Variants in EPHA10 observed in about 807,000 individuals in gnomAD.
The protein encoded by EPHA10 is EPH receptor A10.
EPHA10 carries 120 observed loss-of-function variants against 109.7 expected under a neutral mutation model. The ratio of observed to expected loss-of-function variants is 1.09; its 90% CI spans 0.94 to 1.27. The LOEUF (loss-of-function observed/expected upper bound fraction) is 1.27, where lower values mean the gene tolerates loss of function less well. Among genes scored for constraint, EPHA10 ranks in the 50% most tolerant of loss-of-function variants. EPHA10 has a pLI of 0.00. For synonymous variants in EPHA10, 640 were observed against 618.9 expected (o/e 1.03, Z -0.51); for missense variants, 1,396 against 1,411.1 (o/e 0.99, Z 0.17).
In EPHA10 at chr1:37,718,467, T is replaced by A. The variant is rs1394667533; in HGVS notation, c.2932A>T (p.Ile978Phe). The A allele has an allele frequency of 1.9e-6, 3 of 1,613,288 alleles. No individual in the cohort carries two copies. Among genetic ancestry groups the A allele is most frequent in the Middle Eastern group, 1.6e-4 (1 of 6,084 alleles). ...MTAQDLVSLGISLAEHREALL... is the reference protein window; with the variant it reads ...MTAQDLVSLGFSLAEHREALL... ...GCCTCTCGATGTTCAGCCAAAGAGA[T>A]GCCTAGGCTCACCAGGTCCCTGAAA... is the stretch of plus-strand genomic sequence containing the variant. Residue 978 changes from isoleucine (I) to phenylalanine (F), a missense_variant, in exon 17 of 17, where the codon ATC becomes TTC. Physicochemically the swap from Ile to Phe is conservative, Grantham distance 21. Transcript: ENST00000373048.
chr1:37,714,799 C>G (rs571906137), downstream of EPHA10: 1 of 152,380 alleles, frequency 6.6e-6, no homozygotes, highest in African/African-American at 2.4e-5. Flanking sequence ...AGGCCCAGAG[C>G]AGAAGCTCCC....
At chr1:37,741,686 G>T (rs751723984) in intron 5 of EPHA10, among the ~76,000 whole-genome samples, 1 of 151,780 alleles carries the variant, frequency 6.6e-6, no homozygotes, top group Non-Finnish European at 1.5e-5. Context: ...ACTGCCCACA[G>T]AGTGGCATTG....
At chr1:37,751,958 T>C (rs1646334869) in intron 5 of EPHA10, among the ~76,000 whole-genome samples, 2 of 152,056 alleles carry the variant, frequency 1.3e-5, no homozygotes, top group African/African-American at 2.4e-5. Flanking sequence ...ACATGTCATA[T>C]GTCCAAGTTA....
At chr1:37,720,722 T>C in intron 12 of EPHA10, 61 bp downstream of exon 12, 14 of 1,595,650 alleles carry the variant, frequency 8.8e-6, no homozygotes, top group Non-Finnish European at 1.1e-5. Flanking sequence ...AAGAGAAAAG[T>C]GAGGGACCCC....
chr1:37,719,825 G>A, intron 14 of EPHA10, 84 bp downstream of exon 14: 4 of 1,603,064 alleles, frequency 2.5e-6, no homozygotes, highest in Non-Finnish European at 3.4e-6. Flanking sequence ...CAGGAAGATT[G>A]AGGGCCAACG....
At chr1:37,734,155 G>T (rs1267065615) in intron 6 of EPHA10, among the ~76,000 whole-genome samples, 1 of 152,246 alleles carries the variant, frequency 6.6e-6, no homozygotes, top group Non-Finnish European at 1.5e-5. Flanking sequence ...GACACATGTA[G>T]AAGCTGAAAG....
At position 37,754,123 on chromosome 1, in the gene EPHA10, G is replaced by C. The variant is rs970117056; in HGVS notation, c.1006+92C>G. ...CCGCCCACGTGCGCCCCAGTGCGGA[G>C]ACCCTGCCCTCACCACCACCTGGAT... On this transcript the variant is annotated intron_variant, in intron 4 of 16. Transcript: ENST00000373048. The surrounding 1 kb of genome is among the most constrained non-coding windows in gnomAD (Gnocchi z 4.5). 6.6e-6 allele frequency: 8 copies of C among 1,216,772 alleles called. No individual in the cohort carries two copies. Among genetic ancestry groups the C allele is most frequent in the Non-Finnish European group, 8.3e-6 (8 of 965,904 alleles). The allele number at this position is 1,216,772 out of a possible 1,614,324, so 75.4% of individuals were successfully genotyped here.
In EPHA10 at chr1:37,753,186, G is replaced by A; in HGVS notation, c.1047C>T (p.Ser349=). 1 of 1,395,706 alleles carries A rather than the reference G, an allele frequency of 7.2e-7. No individual in the cohort carries two copies. Among genetic ancestry groups the A allele is most frequent in the Non-Finnish European group, 9.3e-7 (1 of 1,077,952 alleles). 86.5% of individuals were successfully genotyped at this position (1,395,706 alleles called of 1,614,324 possible). A position where few individuals can be genotyped will look rare whatever the true frequency, so the allele number is the denominator to read the frequency against. ...SAPRDLQYSL[S]RSPLVLRLRW... ...GCAGTCGCAGCACCAGCGGCGAGCG[G>A]CTCAGGCTGTACTGCAGGTCCCGCG... The change falls in exon 5 of 17, where the codon AGC becomes AGT. Residue 349 remains serine, a synonymous_variant. Transcript: ENST00000373048.
chr1:37,741,815 C>T (rs1039178114), intron 5 of EPHA10, among the ~76,000 whole-genome samples: 12 of 151,468 alleles, frequency 7.9e-5, no homozygotes, highest in African/African-American at 2.7e-4. Context: ...CAGCACTCTA[C>T]TGCAGAGCTG....
intron 9 of EPHA10, 35 bp downstream of exon 9, chr1:37,723,275 AG>A (rs763182075): frequency 1.2e-4 from 198 of 1,610,810 alleles, no homozygotes; most frequent in Non-Finnish European, 7.7e-5. Flanking sequence ...GGCAGGGTGG[AG>A]CCCGCCCCTC....
At chr1:37,751,201 C>CAAAAAAAA (rs1320111085) in intron 5 of EPHA10, among the ~76,000 whole-genome samples, 10 of 45,982 alleles carry the variant, frequency 2.2e-4, no homozygotes, top group African/African-American at 3.8e-4. Flanking sequence ...AGACTCCTCT[C>CAAAAAAAA]AAAAAAAAAA....
In EPHA10 at chr1:37,762,804, G is replaced by A. The variant is rs760498851; in HGVS notation, c.152C>T (p.Thr51Ile). 2 of 1,553,770 alleles carry A rather than the reference G, an allele frequency of 1.3e-6. No individual in the cohort carries two copies. The highest frequency in any genetic ancestry group is 2.4e-5 in the South Asian group (2 of 83,978). ...SKASQAELGW[T>I]ALPSNGWEEI... ...ACTTACCCCATTACTTGGCAGTGCA[G>A]TCCAGCCCAGCTCGGCCTGGGAGGC... Residue 51 changes from threonine (T) to isoleucine (I), a missense_variant, in exon 2 of 17, where the codon ACT (threonine) becomes ATT (isoleucine). Thr to Ile is a moderately conservative substitution (Grantham distance 89). Transcript: ENST00000373048.
intron 8 of EPHA10, among the ~76,000 whole-genome samples, chr1:37,726,164 G>C (rs1167610313): frequency 1.3e-5 from 2 of 152,228 alleles, no homozygotes; most frequent in African/African-American, 4.8e-5. Context: ...GCAAAGCCAG[G>C]ATGAGATGCT....
intron 11 of EPHA10, among the ~76,000 whole-genome samples, chr1:37,721,427 C>CAAAA (rs71053991): frequency 4.2e-5 from 4 of 94,250 alleles, no homozygotes; most frequent in Non-Finnish European, 6.7e-5. Flanking sequence ...GACTCCATCT[C>CAAAA]AAAAAAAAAA....
rs868511809 is a variant in EPHA10, at chr1:37,735,373, C to A, written c.1375G>T (p.Glu459Ter). 6.3e-7 allele frequency: 1 copy of A among 1,580,824 alleles called. No homozygotes were observed. Among genetic ancestry groups the A allele is most frequent in the East Asian group, 2.3e-5 (1 of 43,438 alleles). ...GGTTCCACTCGGTCCCTGCGGATCT[C>A]ATCCTCCTCCCAGGGCGCTGAAAGT... ...TGPGAPWEEDEIRRDRVEPQS... is the reference protein window; with the variant it reads ...TGPGAPWEED Residue 459 changes from glutamate (E) to a stop codon, truncating the protein, a stop_gained, in exon 6 of 17, where the codon GAG becomes TAG. Coordinates refer to ENST00000373048, the MANE Select transcript of EPHA10 (RefSeq NM_001099439.2). LOFTEE classifies it high-confidence loss of function.
chr1:37,719,009 G>C, intron 15 of EPHA10, 193 bp from the exon 16 acceptor site: 1 of 715,522 alleles, frequency 1.4e-6, no homozygotes, highest in South Asian at 1.9e-5. Flanking sequence ...GGCAGGTGGA[G>C]GCAGAGCCAG....
rs1042720111 is a variant in EPHA10 at position 37,720,619 on chromosome 1, G to C, written c.2209-65C>G. 103 of 1,557,150 alleles carry C rather than the reference G, an allele frequency of 6.6e-5. No individual in the cohort carries two copies. The African/African-American group carries it at 1.3e-3, about 19-fold the overall frequency. ...GATCCCCTGGTGTTGTGTGACACCA[G>C]GGCGGTCACCTAGCTCTCGCCAGGC... is the stretch of plus-strand genomic sequence containing the variant. On this transcript the variant is annotated intron_variant, in intron 12 of 16. Coordinates refer to ENST00000373048, the MANE Select transcript of EPHA10 (RefSeq NM_001099439.2).
chr1:37,743,897 G>C (rs1569724221), intron 5 of EPHA10, among the ~76,000 whole-genome samples: 1 of 128,798 alleles, frequency 7.8e-6, no homozygotes, highest in African/African-American at 3.0e-5. Flanking sequence ...TATATAGATA[G>C]ATATAGATAT....
At chr1:37,762,264 A>C (rs1255180925) in intron 2 of EPHA10, among the ~76,000 whole-genome samples, 181 bp from the exon 3 acceptor site, 2 of 152,192 alleles carry the variant, frequency 1.3e-5, no homozygotes, top group African/African-American at 4.8e-5. Flanking sequence ...TAGATGGGGA[A>C]ACTGAGGCTC....
Sources: allele counts gnomAD v4.1 joint callset (sites outside exome capture counted in the v4.1 genomes callset), GRCh38; gene constraint gnomAD v4.1.1; non-coding constraint Gnocchi (gnomAD v3.1); transcripts MANE v1.5; gene names NCBI Gene and HGNC (gene_info 2026-07-23, HGNC 2026-07-21).